ASIC2: variants seen among roughly 807,000 people sequenced by gnomAD.
ASIC2 encodes the protein acid sensing ion channel subunit 2, also known as acid-sensing ion channel 2.
ASIC2 carries 25 observed loss-of-function variants against 57.3 expected under a neutral mutation model. The ratio of observed to expected loss-of-function variants is 0.44; its 90% CI spans 0.32 to 0.61. The LOEUF (loss-of-function observed/expected upper bound fraction) is 0.61, where lower values mean the gene tolerates loss of function less well. Among genes scored for constraint, ASIC2 ranks in the 20% least tolerant of loss-of-function variants. ASIC2 has a pLI of 0.06. For missense variants in ASIC2, 641 were observed against 738.1 expected, an observed-to-expected ratio of 0.87 and a Z score of 1.52; for synonymous variants, 319 against 307.5, an observed-to-expected ratio of 1.04 and a Z score of -0.39.
intron 1 of ASIC2, among the ~76,000 whole-genome samples, chr17:33,689,538 C>G (rs1908301281): frequency 6.6e-6 from 1 of 152,220 alleles, no homozygotes; most frequent in Non-Finnish European, 1.5e-5. Flanking sequence ...CACTTCTACC[C>G]CTGCCCTGGA....
Position 33,549,105 on chromosome 17 carries a change from G to A in ASIC2, c.556-437038C>T, listed in dbSNP as rs1915669472. On this transcript the variant is annotated intron_variant, in intron 1 of 9. Coordinates refer to the ASIC2 transcript ENST00000359872. ...GGCTGGAACTGTATGTTTCCTTGAT[G>A]CATTGCAGCTCCAGCACCTAGAACA... 2.6e-5 allele frequency among the ~76,000 whole-genome samples: 4 copies of A among 152,250 alleles called. No individual in the cohort carries two copies. The South Asian group carries it at 8.3e-4, about 32-fold the overall frequency.
intron 1 of ASIC2, among the ~76,000 whole-genome samples, chr17:33,953,290 T>C (rs186379572): frequency 2.3e-4 from 35 of 152,304 alleles, no homozygotes; most frequent in African/African-American, 8.4e-4. Flanking sequence ...ATCCAATTCT[T>C]AAAAATACCA....
intron 1 of ASIC2, among the ~76,000 whole-genome samples, chr17:33,395,281 G>A (rs190857890): frequency 8.6e-5 from 13 of 151,836 alleles, no homozygotes; most frequent in East Asian, 3.9e-4. Flanking sequence ...AGACATAACC[G>A]AGACGGGCAA....
chr17:33,932,741 A>ATATATAT (rs1164278543), intron 1 of ASIC2: 8 of 58,692 alleles, frequency 1.4e-4, no homozygotes, highest in African/African-American at 5.4e-4. Flanking sequence ...AAAAAAAAAA[A>ATATATAT]ATATATATAT....
In ASIC2 at chr17:33,656,905, A is replaced by G. The variant is rs113029324; in HGVS notation, c.555+499073T>C. Among the ~76,000 whole-genome samples, 805 of 152,324 alleles carry G rather than the reference A, an allele frequency of 5.3e-3. 5 individuals are homozygous for G. Among genetic ancestry groups the G allele is most frequent in the African/African-American group, 0.019 (778 of 41,564 alleles). ...GAAGTCTTGTGAAGGTGTTGTTGGG[A>G]AAGAGAATTGTTCAGATATGGGTAA... On this transcript the variant is annotated intron_variant, in intron 1 of 9. Transcript: ENST00000359872.
intron 1 of ASIC2, among the ~76,000 whole-genome samples, chr17:33,376,826 A>C (rs950617948): frequency 6.6e-6 from 1 of 151,932 alleles, no homozygotes; most frequent in Non-Finnish European, 1.5e-5. Context: ...TCATCATCTC[A>C]TGTAGCGGTT....
chr17:33,829,785 G>A (rs1237241536), intron 1 of ASIC2, among the ~76,000 whole-genome samples: 3 of 151,980 alleles, frequency 2.0e-5, no homozygotes, highest in East Asian at 3.9e-4. Context: ...GACTTGTCTC[G>A]AAACTCTGAC....
chr17:33,829,780 G>T (rs2141899647), intron 1 of ASIC2, among the ~76,000 whole-genome samples: 1 of 152,156 alleles, frequency 6.6e-6, no homozygotes, highest in East Asian at 1.9e-4. Context: ...GGTCAGACTT[G>T]TCTCGAAACT....
intron 1 of ASIC2, among the ~76,000 whole-genome samples, chr17:33,801,261 G>A (rs896604940): frequency 5.9e-5 from 9 of 152,148 alleles, no homozygotes; most frequent in South Asian, 2.1e-4. Context: ...GGAAGAAGTC[G>A]CCATCAAGTG....
At chr17:33,743,839 A>C (rs1910179257) in intron 1 of ASIC2, among the ~76,000 whole-genome samples, 1 of 152,024 alleles carries the variant, frequency 6.6e-6, no homozygotes, top group Non-Finnish European at 1.5e-5. Flanking sequence ...TTTAAAATTA[A>C]TCTCTCTCTC....
intron 1 of ASIC2, among the ~76,000 whole-genome samples, chr17:33,267,300 T>C (rs1909500824): frequency 2.0e-5 from 3 of 152,190 alleles, no homozygotes; most frequent in Admixed American, 6.5e-5. Flanking sequence ...TCTAAAGTTG[T>C]CTTTAACTAG....
intron 1 of ASIC2, among the ~76,000 whole-genome samples, chr17:33,725,720 A>ACC (rs1341168325): frequency 2.3e-4 from 13 of 56,078 alleles, no homozygotes; most frequent in South Asian, 1.2e-3. Context: ...ACTATTAAGA[A>ACC]ACCCCCCCCC....
intron 1 of ASIC2, among the ~76,000 whole-genome samples, chr17:34,117,706 A>G (rs926139710): frequency 1.3e-5 from 2 of 152,164 alleles, no homozygotes; most frequent in Non-Finnish European, 1.5e-5. Flanking sequence ...CTTAGATACA[A>G]TTGGCAGGAC....
At chr17:33,191,037 A>G (rs1373494688) in intron 1 of ASIC2, among the ~76,000 whole-genome samples, 1 of 152,238 alleles carries the variant, frequency 6.6e-6, no homozygotes, top group Non-Finnish European at 1.5e-5. Flanking sequence ...TGTTTATAGC[A>G]GCTTTATTTG....
intron 1 of ASIC2, among the ~76,000 whole-genome samples, chr17:33,877,755 G>C (rs1914589360): frequency 6.6e-6 from 1 of 152,336 alleles, no homozygotes; most frequent in Non-Finnish European, 1.5e-5. Flanking sequence ...GCTTTGAAGA[G>C]AGTAGTGGTT....
chr17:33,916,266 G>T (rs1415847186), intron 1 of ASIC2, among the ~76,000 whole-genome samples: 7 of 152,168 alleles, frequency 4.6e-5, no homozygotes, highest in African/African-American at 1.7e-4. Context: ...TGAGGCTGCT[G>T]AGACAAAGAC....
intron 1 of ASIC2, among the ~76,000 whole-genome samples, chr17:34,096,885 A>AG (rs1910568406): frequency 6.8e-6 from 1 of 146,210 alleles, no homozygotes. Flanking sequence ...AAAAAAAAAA[A>AG]GTAGATAGGA....
intron 1 of ASIC2, among the ~76,000 whole-genome samples, chr17:33,194,305 G>T (rs903156923): frequency 6.6e-6 from 1 of 152,160 alleles, no homozygotes; most frequent in South Asian, 2.1e-4. Flanking sequence ...ACATTCAAAA[G>T]CAGCCCCTCC....
chr17:33,039,429 G>T (rs542683839), intron 3 of ASIC2, among the ~76,000 whole-genome samples: 3 of 152,232 alleles, frequency 2.0e-5, no homozygotes, highest in Admixed American at 2.0e-4. Flanking sequence ...CCTGTGCTCC[G>T]TGGTCAAGAT....
Sources: gnomAD v4.1 joint callset for allele counts (sites outside exome capture counted in the v4.1 genomes callset) on GRCh38, gnomAD v4.1.1 for gene constraint, MANE v1.5 for transcripts, NCBI Gene and HGNC (gene_info 2026-07-23, HGNC 2026-07-21) for gene names.